The following HIP1 variants were observed in gnomAD, a reference collection of about 807,000 sequenced individuals.
The protein encoded by HIP1 is huntingtin-interacting protein 1.
Under a neutral mutation model 147.6 loss-of-function variants are expected in HIP1, and 65 were observed. The ratio of observed to expected loss-of-function variants is 0.44; its 90% CI spans 0.36 to 0.54. The LOEUF is 0.54. Ranked by LOEUF, HIP1 falls within the 20% of genes least tolerant of loss-of-function variation. The pLI, the probability that HIP1 is intolerant of heterozygous loss-of-function variation, is 0.00. For synonymous variants in HIP1, 479 were observed against 504.0 expected, an observed-to-expected ratio of 0.95 and a Z score of 0.67; for missense variants, 1,061 against 1,299.6, an observed-to-expected ratio of 0.82 and a Z score of 2.82.
intron 1 of HIP1, among the ~76,000 whole-genome samples, chr7:75,736,460 T>C (rs1442495724): frequency 6.6e-6 from 1 of 151,564 alleles, no homozygotes; most frequent in Non-Finnish European, 1.5e-5. Context: ...CTCATGCCTG[T>C]AGTCCCAGCA....
intron 1 of HIP1, among the ~76,000 whole-genome samples, chr7:75,675,777 A>G (rs1431744873): frequency 6.6e-6 from 1 of 152,112 alleles, no homozygotes; most frequent in Non-Finnish European, 1.5e-5. Context: ...CCAGGAGTTC[A>G]AGACCAGCCT....
chr7:75,719,392 T>A (rs996640493), intron 1 of HIP1, among the ~76,000 whole-genome samples: 4 of 151,420 alleles, frequency 2.6e-5, no homozygotes, highest in Admixed American at 6.6e-5. Flanking sequence ...TAGTCCCAGC[T>A]ACTCAGGAGG....
At chr7:75,543,568 G>T (rs1554490345) in intron 27 of HIP1, among the ~76,000 whole-genome samples, 1 of 152,066 alleles carries the variant, frequency 6.6e-6, no homozygotes, top group East Asian at 1.9e-4. Context: ...GGCCAGGCTG[G>T]TCTTGAACTC....
chr7:75,712,925 T>C (rs1801203566), intron 1 of HIP1, among the ~76,000 whole-genome samples: 1 of 152,220 alleles, frequency 6.6e-6, no homozygotes, highest in South Asian at 2.1e-4. Context: ...AATTCAATCA[T>C]TCATTCACTT....
At chr7:75,574,589 C>CA (rs67839568) in intron 7 of HIP1, among the ~76,000 whole-genome samples, 33,264 of 108,358 alleles carry the variant, frequency 0.31, 4,602 homozygotes, top group African/African-American at 0.39. Flanking sequence ...GACACCATCT[C>CA]AAAAAAAAAA....
chr7:75,595,274 TC>T (rs1563230524), intron 2 of HIP1, among the ~76,000 whole-genome samples: 1 of 79,010 alleles, frequency 1.3e-5, no homozygotes, highest in Non-Finnish European at 2.3e-5. Context: ...CTTCCTTCCT[TC>T]CTTCCTTCCT....
chr7:75,660,075 G>T (rs1308749168), intron 1 of HIP1, among the ~76,000 whole-genome samples: 1 of 151,732 alleles, frequency 6.6e-6, no homozygotes, highest in African/African-American at 2.4e-5. Flanking sequence ...GCACTGAGCC[G>T]AGATAGTGCC....
intron 1 of HIP1, among the ~76,000 whole-genome samples, chr7:75,629,386 TAACA>T (rs781786024): frequency 6.6e-6 from 1 of 152,156 alleles, no homozygotes; most frequent in Non-Finnish European, 1.5e-5. Flanking sequence ...GCCCCGCTCC[TAACA>T]AACCTACTCA....
At chr7:75,574,473 CA>C (rs1236573039) in intron 7 of HIP1, among the ~76,000 whole-genome samples, 5 of 151,492 alleles carry the variant, frequency 3.3e-5, no homozygotes, top group African/African-American at 1.2e-4. Context: ...CCTGTAATCC[CA>C]GCTACTCGGG....
At chr7:75,673,160 T>C (rs782114411) in intron 1 of HIP1, among the ~76,000 whole-genome samples, 2 of 151,990 alleles carry the variant, frequency 1.3e-5, no homozygotes, top group Non-Finnish European at 2.9e-5. Flanking sequence ...TAGCTGGGAT[T>C]ACAGGTGCCC....
Position 75,568,118 on chromosome 7 carries a change from C to G in HIP1, c.803+81G>C. ...GGCATGAACCACTGTGTCCAGCCAC[C>G]TCTCACAGTGCACTTGCATGGCTTA... On this transcript the variant is annotated intron_variant, in intron 9 of 30. Transcript: ENST00000336926. This position sits in a 1 kb window ranked among gnomAD's most constrained non-coding sequence, Gnocchi z 4.1. 9.9e-7 allele frequency: 1 copy of G among 1,010,330 alleles called. No homozygotes were observed. The highest frequency in any genetic ancestry group is 2.0e-4 in the Middle Eastern group (1 of 4,880). 62.6% of individuals were successfully genotyped at this position (1,010,330 alleles called of 1,614,324 possible). A position where few individuals can be genotyped will look rare whatever the true frequency, so the allele number is the denominator to read the frequency against.
chr7:75,635,111 C>T (rs4731230), intron 1 of HIP1, among the ~76,000 whole-genome samples: 50,885 of 151,976 alleles, frequency 0.33, 8,878 homozygotes, highest in African/African-American at 0.41. Context: ...GTGAAAGGCA[C>T]ACCCTCCATC....
chr7:75,619,721 A>G (rs188270847), intron 1 of HIP1, among the ~76,000 whole-genome samples: 169 of 152,262 alleles, frequency 1.1e-3, no homozygotes, highest in Admixed American at 2.4e-3. Flanking sequence ...AGACATTGGC[A>G]TTCGATACCC....
intron 1 of HIP1, among the ~76,000 whole-genome samples, chr7:75,612,046 G>A (rs1203987342): frequency 6.6e-6 from 1 of 152,236 alleles, no homozygotes; most frequent in Non-Finnish European, 1.5e-5. Flanking sequence ...CACAGCTCTT[G>A]GCAGAAGCCC....
At chr7:75,667,421 G>T (rs1260032303) in intron 1 of HIP1, among the ~76,000 whole-genome samples, 2 of 152,134 alleles carry the variant, frequency 1.3e-5, no homozygotes, top group Admixed American at 1.3e-4. Flanking sequence ...TTGTTGTAGA[G>T]ACCAAGACAG....
chr7:75,624,147 T>G (rs1368261111), intron 1 of HIP1, among the ~76,000 whole-genome samples: 1 of 151,994 alleles, frequency 6.6e-6, no homozygotes, highest in African/African-American at 2.4e-5. Context: ...AGAAAAGAGA[T>G]GGAGTGAGCG....
intron 7 of HIP1, among the ~76,000 whole-genome samples, chr7:75,578,650 CT>C (rs1554498112): frequency 6.6e-6 from 1 of 152,102 alleles, no homozygotes; most frequent in East Asian, 1.9e-4. Context: ...TGCATTCCAG[CT>C]TGGGTGACAC....
intron 29 of HIP1, among the ~76,000 whole-genome samples, chr7:75,539,924 C>T (rs1440813514): frequency 6.6e-6 from 1 of 152,134 alleles, no homozygotes; most frequent in Non-Finnish European, 1.5e-5. Context: ...ATGGTGAGTA[C>T]CAATCTAGTT....
At chr7:75,670,367 G>C (rs2705792) in intron 1 of HIP1, among the ~76,000 whole-genome samples, 2 of 150,122 alleles carry the variant, frequency 1.3e-5, no homozygotes, top group Non-Finnish European at 3.0e-5. Flanking sequence ...ATGTTGCCCC[G>C]GCTGGTCTCA....
Sources: gnomAD v4.1 joint callset for allele counts (sites outside exome capture counted in the v4.1 genomes callset) on GRCh38, gnomAD v4.1.1 for gene constraint, Gnocchi (gnomAD v3.1) non-coding constraint, MANE v1.5 for transcripts, NCBI Gene and HGNC (gene_info 2026-07-23, HGNC 2026-07-21) for gene names.